The following RIMS1 variants were observed in gnomAD, a reference collection of about 807,000 sequenced individuals.
RIMS1 encodes the protein regulating synaptic membrane exocytosis protein 1.
A neutral mutation model predicts 214.1 loss-of-function variants in RIMS1; 83 were observed. The ratio of observed to expected loss-of-function variants is 0.39; its 90% CI spans 0.32 to 0.47. The LOEUF (loss-of-function observed/expected upper bound fraction) is 0.47, where lower values mean the gene tolerates loss of function less well. RIMS1 is among the 20% of genes least tolerant of loss of function. The pLI is 0.99. For missense variants in RIMS1, 2,050 were observed against 2,161.8 expected (o/e 0.95, Z 1.03); for synonymous variants, 793 against 786.8 (o/e 1.01, Z -0.13).
At chr6:72,059,387 C>T (rs977129984) in intron 2 of RIMS1, among the ~76,000 whole-genome samples, 1 of 152,054 alleles carries the variant, frequency 6.6e-6, no homozygotes, top group Non-Finnish European at 1.5e-5. Context: ...GCTACCACAC[C>T]CTGCTAATTT....
intron 28 of RIMS1, among the ~76,000 whole-genome samples, chr6:72,315,066 A>C (rs1163899128): frequency 1.3e-5 from 2 of 152,190 alleles, no homozygotes. Context: ...GATTTCTTTT[A>C]GAAAGAATAG....
rs373560681 is a variant in RIMS1 at position 72,258,123 on chromosome 6, A to G, written c.2771-2A>G. Reference sequence around the variant, plus strand: ...AATTTTTTCTGTGTGTACTTTTGCCAGTAGGCTATAGGTCTAGTGCTAGAG... The same window carrying G: ...AATTTTTTCTGTGTGTACTTTTGCCGGTAGGCTATAGGTCTAGTGCTAGAG... On this transcript the variant is annotated splice_acceptor_variant, in intron 16 of 33. Transcript: ENST00000521978. LOFTEE classifies it high-confidence loss of function. The G allele has an allele frequency of 4.3e-5, 70 of 1,611,456 alleles. No homozygotes were observed. The highest frequency in any genetic ancestry group is 5.6e-5 in the Non-Finnish European group (66 of 1,178,618).
At chr6:72,011,248 A>G (rs1810470706) in intron 2 of RIMS1, among the ~76,000 whole-genome samples, 1 of 152,220 alleles carries the variant, frequency 6.6e-6, no homozygotes, top group South Asian at 2.1e-4. Context: ...CTATTTAATA[A>G]ATGGTGCTGG....
intron 1 of RIMS1, among the ~76,000 whole-genome samples, chr6:71,912,105 GA>G (rs1339663194): frequency 6.6e-6 from 1 of 152,116 alleles, no homozygotes; most frequent in African/African-American, 2.4e-5. Context: ...TGAGTCAAGA[GA>G]AGAATTTGGA....
chr6:72,036,140 T>C (rs1819542761), intron 2 of RIMS1, among the ~76,000 whole-genome samples: 1 of 152,144 alleles, frequency 6.6e-6, no homozygotes, highest in Non-Finnish European at 1.5e-5. Flanking sequence ...GTTAGTCTCT[T>C]AGCATGACTG....
chr6:72,080,960 C>G (rs906946590), intron 2 of RIMS1, among the ~76,000 whole-genome samples: 5 of 152,186 alleles, frequency 3.3e-5, no homozygotes, highest in Non-Finnish European at 7.4e-5. Flanking sequence ...TTTCAATATG[C>G]TAAGTTTAAC....
intron 5 of RIMS1, among the ~76,000 whole-genome samples, chr6:72,181,050 G>GA (rs1484693898): frequency 6.6e-6 from 1 of 152,220 alleles, no homozygotes; most frequent in Admixed American, 6.5e-5. Context: ...CCAGGAACCA[G>GA]AGGGCATAAA....
intron 2 of RIMS1, among the ~76,000 whole-genome samples, chr6:71,996,436 T>C (rs1030004922): frequency 2.0e-5 from 3 of 152,212 alleles, no homozygotes; most frequent in Non-Finnish European, 2.9e-5. Context: ...GTTTTTCAAA[T>C]TTATAACTAG....
At chr6:72,130,130 G>C (rs2040215920) in intron 4 of RIMS1, among the ~76,000 whole-genome samples, 1 of 151,924 alleles carries the variant, frequency 6.6e-6, no homozygotes, top group South Asian at 2.1e-4. Context: ...ACTTTATCTT[G>C]CTGGCTATTT....
At chr6:71,931,276 A>G (rs1021182008) in intron 1 of RIMS1, among the ~76,000 whole-genome samples, 4 of 152,082 alleles carry the variant, frequency 2.6e-5, no homozygotes, top group African/African-American at 9.6e-5. Flanking sequence ...TGCTTATGAA[A>G]TATAAAAGAG....
chr6:72,179,715 A>G lies in RIMS1; in HGVS notation c.612A>G (p.Val204=), dbSNP rs767598016. Residue 204 remains valine (V), a synonymous_variant, in exon 5 of 34, where the codon GTA becomes GTG. Coordinates refer to ENST00000521978, the MANE Select transcript of RIMS1 (RefSeq NM_014989.7). ...SDTATGAGSE[V]PREKKARLQE... ...CAGCTACAGGTGCTGGCTCTGAGGT[A>G]CCAAGAGAAAAGAAAGCACGACTCC... The G allele has an allele frequency of 1.4e-5, 22 of 1,613,798 alleles. No individual in the cohort carries two copies. In the Admixed American group the frequency reaches 3.5e-4, roughly 26 times the overall value.
chr6:71,946,163 G>A (rs1320047234), intron 1 of RIMS1, among the ~76,000 whole-genome samples: 1 of 152,182 alleles, frequency 6.6e-6, no homozygotes, highest in East Asian at 1.9e-4. Flanking sequence ...CTATGAAATT[G>A]AAGAAAACAC....
chr6:72,275,618 A>G (rs2085975039), intron 23 of RIMS1, among the ~76,000 whole-genome samples: 1 of 152,134 alleles, frequency 6.6e-6, no homozygotes, highest in African/African-American at 2.4e-5. Flanking sequence ...ACATTTACAT[A>G]TTTGGAAATT....
intron 22 of RIMS1, among the ~76,000 whole-genome samples, chr6:72,268,929 G>T (rs2081796910): frequency 6.6e-6 from 1 of 152,036 alleles, no homozygotes; most frequent in African/African-American, 2.4e-5. Context: ...TCCCTGATTG[G>T]CAAGGAGTGA....
At chr6:72,072,841 A>C (rs1362380878) in intron 2 of RIMS1, among the ~76,000 whole-genome samples, 1 of 152,196 alleles carries the variant, frequency 6.6e-6, no homozygotes, top group Non-Finnish European at 1.5e-5. Context: ...AAAACTCATC[A>C]ACATTTCATT....
intron 6 of RIMS1, among the ~76,000 whole-genome samples, chr6:72,211,018 G>A (rs1404553012): frequency 1.3e-5 from 2 of 152,150 alleles, no homozygotes; most frequent in Non-Finnish European, 2.9e-5. Context: ...AATGTGCATT[G>A]GGTTTAGTCA....
chr6:72,260,896 G>A, intron 19 of RIMS1, 129 bp downstream of exon 19: 2 of 1,521,906 alleles, frequency 1.3e-6, no homozygotes, highest in African/African-American at 1.4e-5. Context: ...TTTGAAATTT[G>A]TTTTGTTTTA....
At chr6:71,984,132 A>C (rs1799222653) in intron 2 of RIMS1, among the ~76,000 whole-genome samples, 1 of 152,190 alleles carries the variant, frequency 6.6e-6, no homozygotes, top group Admixed American at 6.5e-5. Context: ...TATTAGAGAC[A>C]AGGAAACTGT....
At chr6:72,171,328 A>G (rs1458420629) in intron 4 of RIMS1, among the ~76,000 whole-genome samples, 2 of 147,786 alleles carry the variant, frequency 1.4e-5, no homozygotes. Flanking sequence ...ATACATATAT[A>G]ATGTATAAAT....
Sources: gnomAD v4.1 joint callset for allele counts (sites outside exome capture counted in the v4.1 genomes callset) on GRCh38, gnomAD v4.1.1 for gene constraint, MANE v1.5 for transcripts, NCBI Gene and HGNC (gene_info 2026-07-23, HGNC 2026-07-21) for gene names.